DDX60L: variants seen among roughly 807,000 people sequenced by gnomAD.
DDX60L encodes probable ATP-dependent RNA helicase DDX60-like.
DDX60L carries 191 observed loss-of-function variants against 211.6 expected under a neutral mutation model. That is an observed-to-expected ratio of 0.90 (90% confidence interval 0.80 to 1.02). The LOEUF is 1.02. Ranked by LOEUF, DDX60L falls within the 50% of genes least tolerant of loss-of-function variation. The probability of loss-of-function intolerance (pLI) is 0.00; values close to 1 mark genes in which losing one functional copy is unlikely to be tolerated. For synonymous variants in DDX60L, 706 were observed against 694.1 expected (o/e 1.02, Z -0.27); for missense variants, 2,007 against 1,984.1 (o/e 1.01, Z -0.22).
intron 6 of DDX60L, among the ~76,000 whole-genome samples, chr4:168,457,677 A>G (rs1242104251): frequency 6.6e-6 from 1 of 152,168 alleles, no homozygotes; most frequent in Non-Finnish European, 1.5e-5. Context: ...CTGTTTTAAA[A>G]TATGGCTTCC....
rs773048623 is a variant in DDX60L at position 168,448,698 on chromosome 4, A to G, written c.1078T>C (p.Leu360=). The G allele has an allele frequency of 1.9e-6, 3 of 1,602,556 alleles. No homozygotes were observed. Among genetic ancestry groups the G allele is most frequent in the Non-Finnish European group, 2.6e-6 (3 of 1,170,862 alleles). Residue 360 remains leucine, a synonymous_variant, in exon 9 of 38, where the codon TTG becomes CTG. Transcript: ENST00000682922. ...TTCTTTAACAATTGCTCATCATACA[A>G]GTCAGAAACATGATTTAAATTCAGA... ...WNLNLNHVSD[L]YDEQLLKNIA...
intron 1 of DDX60L, among the ~76,000 whole-genome samples, chr4:168,474,421 A>G (rs1561148413): frequency 6.6e-6 from 1 of 152,190 alleles, no homozygotes; most frequent in Non-Finnish European, 1.5e-5. Flanking sequence ...TGACAAATAA[A>G]TAAACAAACT....
rs1479209331 is a variant in DDX60L, at chr4:168,442,836, C to G, written c.1139-1344G>C. ...AGGGTCCTCTCTGTTAGAAGGAAAA[C>G]TAACAAACAGAAAGGACATCCACAC... On this transcript the variant is annotated intron_variant, in intron 9 of 37. Coordinates refer to ENST00000682922, the MANE Select transcript of DDX60L (RefSeq NM_001012967.3). Among the ~76,000 whole-genome samples, 9 of 151,422 alleles carry G rather than the reference C, an allele frequency of 5.9e-5. No individual in the cohort carries two copies. In the East Asian group the frequency reaches 1.7e-3, roughly 29 times the overall value.
At chr4:168,417,136 T>C (rs1749705862) in intron 19 of DDX60L, among the ~76,000 whole-genome samples, 1 of 152,196 alleles carries the variant, frequency 6.6e-6, no homozygotes, top group South Asian at 2.1e-4. Context: ...CTCTATACTT[T>C]CTTCACATCA....
intron 21 of DDX60L, 31 bp downstream of exon 21, chr4:168,415,626 A>G: frequency 6.8e-7 from 1 of 1,470,450 alleles, no homozygotes; most frequent in Non-Finnish European, 9.1e-7. Context: ...ATATAAAAAT[A>G]TATAGTAAAA....
rs965980659 is a variant in DDX60L at position 168,461,643 on chromosome 4, A to T, written c.606+56T>A. The T allele has an allele frequency of 9.7e-6, 12 of 1,241,536 alleles. No individual in the cohort carries two copies. In the Admixed American group the frequency reaches 2.4e-4, roughly 25 times the overall value. The allele number at this position is 1,241,536 out of a possible 1,614,324, so 76.9% of individuals were successfully genotyped here. A position where few individuals can be genotyped will look rare whatever the true frequency, so the allele number is the denominator to read the frequency against. On this transcript the variant is annotated intron_variant, in intron 5 of 37. Coordinates refer to ENST00000682922, the MANE Select transcript of DDX60L (RefSeq NM_001012967.3). ...ATACAGAAAGAATATTGAGTTAGTG[A>T]TTTTGAGAATTAAAACAAGAAATCA...
intron 4 of DDX60L, among the ~76,000 whole-genome samples, chr4:168,465,875 C>T (rs1040887758): frequency 6.6e-6 from 1 of 152,080 alleles, no homozygotes; most frequent in Non-Finnish European, 1.5e-5. Context: ...ATGCCAGTAC[C>T]ATGCTGTTTG....
chr4:168,390,914 T>C (rs559044909), intron 29 of DDX60L, among the ~76,000 whole-genome samples: 1 of 152,030 alleles, frequency 6.6e-6, no homozygotes, highest in Non-Finnish European at 1.5e-5. Context: ...TCTGGAGACC[T>C]CCGAGTAACA....
chr4:168,371,560 C>G, intron 36 of DDX60L, 52 bp downstream of exon 36: 1 of 1,025,192 alleles, frequency 9.8e-7, no homozygotes, highest in Non-Finnish European at 1.4e-6. Context: ...AATAATAAAA[C>G]ATAGATATAT....
At chr4:168,382,474 G>A (rs1579276436) in intron 30 of DDX60L, among the ~76,000 whole-genome samples, 1 of 151,856 alleles carries the variant, frequency 6.6e-6, no homozygotes, top group Non-Finnish European at 1.5e-5. Flanking sequence ...TTATAAACAG[G>A]TTATTTTATA....
chr4:168,413,623 A>G (rs2149830337), intron 22 of DDX60L, among the ~76,000 whole-genome samples: 1 of 152,100 alleles, frequency 6.6e-6, no homozygotes, highest in South Asian at 2.1e-4. Flanking sequence ...AGCAAAATTA[A>G]TCAAGCAGAA....
In DDX60L at chr4:168,358,183, T is replaced by G; in HGVS notation, c.5085A>C (p.Glu1695Asp). ...LSQTFYEKLQ[E>D]MQIQMSQNHL... ...GATTTTGACTCATTTGAATTTGCAT[T>G]TCTTGAAGTTTCTCATAAAAGGTTT... The change falls in exon 38 of 38, where the codon GAA becomes GAC. Residue 1695 changes from glutamate to aspartate, a missense_variant. Glu to Asp is a conservative substitution (Grantham distance 45). Coordinates refer to ENST00000682922, the MANE Select transcript of DDX60L (RefSeq NM_001012967.3). 1 of 1,607,268 alleles carries G rather than the reference T, an allele frequency of 6.2e-7. No homozygotes were observed. The highest frequency in any genetic ancestry group is 8.5e-7 in the Non-Finnish European group (1 of 1,177,080).
chr4:168,388,788 T>C (rs1195771774), intron 29 of DDX60L, among the ~76,000 whole-genome samples: 3 of 152,152 alleles, frequency 2.0e-5, no homozygotes, highest in African/African-American at 7.2e-5. Context: ...ACCAGTGTGG[T>C]GGTGAGCAGT....
intron 9 of DDX60L, among the ~76,000 whole-genome samples, chr4:168,447,512 CCCAG>C (rs1336932250): frequency 6.6e-6 from 1 of 151,988 alleles, no homozygotes; most frequent in Non-Finnish European, 1.5e-5. Flanking sequence ...TACCATTTGA[CCCAG>C]CCATCCCATT....
At chr4:168,445,830 C>T (rs1472346761) in intron 9 of DDX60L, among the ~76,000 whole-genome samples, 3 of 114,468 alleles carry the variant, frequency 2.6e-5, no homozygotes, top group Non-Finnish European at 3.8e-5. Flanking sequence ...AATTCAACAA[C>T]CCTTCATGCT....
intron 22 of DDX60L, among the ~76,000 whole-genome samples, chr4:168,411,874 C>G (rs77489054): frequency 6.6e-6 from 1 of 151,848 alleles, no homozygotes; most frequent in African/African-American, 2.4e-5. Flanking sequence ...AGAGTAAAGA[C>G]GACTTTGTCT....
At position 168,405,986 on chromosome 4, in the gene DDX60L, T is replaced by A; in HGVS notation, c.3177A>T (p.Glu1059Asp). The A allele has an allele frequency of 1.3e-6, 2 of 1,595,120 alleles. No homozygotes were observed. Among genetic ancestry groups the A allele is most frequent in the Non-Finnish European group, 1.7e-6 (2 of 1,171,772 alleles). The part of the protein sequence containing the change: ...ARKYEENLKA[E>D]LTNWIKNGQV... ...GGCCATTTTTAATCCAATTTGTCAA[T>A]TCTGCCTTTAAGTTTTCTTCATATT... The change falls in exon 24 of 38, where the codon GAA becomes GAT. Residue 1059 changes from glutamate (E) to aspartate (D), a missense_variant. Physicochemically the swap from Glu to Asp is conservative, Grantham distance 45. Coordinates refer to ENST00000682922, the MANE Select transcript of DDX60L (RefSeq NM_001012967.3).
chr4:168,393,253 C>T (rs1330055717), intron 28 of DDX60L, among the ~76,000 whole-genome samples: 4 of 151,906 alleles, frequency 2.6e-5, no homozygotes, highest in Middle Eastern at 3.2e-3. Context: ...ACCAGCATTT[C>T]GGGAGGCTGA....
At position 168,405,977 on chromosome 4, in the gene DDX60L, A is replaced by G. The variant is rs762796844; in HGVS notation, c.3186T>C (p.Asn1062=). The change falls in exon 24 of 38, where the codon AAT becomes AAC. Residue 1062 remains asparagine, a synonymous_variant. Coordinates refer to ENST00000682922, the MANE Select transcript of DDX60L (RefSeq NM_001012967.3). ...TCTTCACTTGGCCATTTTTAATCCA[A>G]TTTGTCAATTCTGCCTTTAAGTTTT... ...YEENLKAELT[N]WIKNGQVKKV... is the part of the protein sequence containing the mutation. 1.3e-6 allele frequency: 2 copies of G among 1,588,146 alleles called. No individual in the cohort carries two copies. The highest frequency in any genetic ancestry group is 2.7e-5 in the African/African-American group (2 of 74,066).
Sources: allele counts gnomAD v4.1 joint callset (sites outside exome capture counted in the v4.1 genomes callset), GRCh38; gene constraint gnomAD v4.1.1; transcripts MANE v1.5; gene names NCBI Gene and HGNC (gene_info 2026-07-23, HGNC 2026-07-21).